GRM8: variants seen among roughly 807,000 people sequenced by gnomAD.
The protein encoded by GRM8 is glutamate metabotropic receptor 8.
A neutral mutation model predicts 87.2 loss-of-function variants in GRM8; 47 were observed. The observed-to-expected ratio is 0.54, with a 90% CI of 0.43 to 0.69. The LOEUF is 0.69. Among genes scored for constraint, GRM8 ranks in the 30% least tolerant of loss-of-function variants. The pLI is 0.00. For synonymous variants in GRM8, 396 were observed against 404.5 expected (o/e 0.98, Z 0.25); for missense variants, 1,019 against 1,139.2 (o/e 0.89, Z 1.52).
intron 3 of GRM8, among the ~76,000 whole-genome samples, chr7:127,053,555 C>T (rs1027864872): frequency 2.0e-5 from 3 of 152,178 alleles, no homozygotes; most frequent in Admixed American, 1.3e-4. Flanking sequence ...TTTGGGAGGC[C>T]GTGGCAGGCG....
Position 127,183,144 on chromosome 7 carries a change from T to C in GRM8, c.510+59551A>G, listed in dbSNP as rs17869252. On this transcript the variant is annotated intron_variant, in intron 2 of 10. Coordinates refer to ENST00000339582, the MANE Select transcript of GRM8 (RefSeq NM_000845.3). ...GACCAAAAGGAAGCTGGAATAACTATATTAATTTTAGACAAATTAAACTTC... is the reference window on the plus strand; with the variant it reads ...GACCAAAAGGAAGCTGGAATAACTACATTAATTTTAGACAAATTAAACTTC... Among the ~76,000 whole-genome samples, 272 of 152,102 alleles carry C rather than the reference T, an allele frequency of 1.8e-3. 1 individual carries two copies. The highest frequency in any genetic ancestry group is 6.2e-3 in the African/African-American group (258 of 41,568).
At chr7:127,050,576 A>C (rs1819363574) in intron 3 of GRM8, among the ~76,000 whole-genome samples, 1 of 152,184 alleles carries the variant, frequency 6.6e-6, no homozygotes, top group Admixed American at 6.5e-5. Flanking sequence ...GGGAGACGGA[A>C]GGGGAAGGAA....
intron 6 of GRM8, chr7:126,870,241 G>C (rs1251087484): frequency 2.0e-5 from 3 of 152,174 alleles, no homozygotes. Context: ...TGGCTTAAGG[G>C]AACATTGTGG....
chr7:127,056,606 C>T (rs17874838), intron 3 of GRM8, among the ~76,000 whole-genome samples: 12,148 of 152,222 alleles, frequency 0.08, 526 homozygotes, highest in South Asian at 0.13. Flanking sequence ...AAAATGTATA[C>T]ACACCGGCAA....
At chr7:127,015,990 T>C (rs1815631171) in intron 3 of GRM8, among the ~76,000 whole-genome samples, 1 of 152,120 alleles carries the variant, frequency 6.6e-6, no homozygotes, top group South Asian at 2.1e-4. Context: ...AAAAATTCCT[T>C]GAATATCTCT....
At chr7:127,245,856 T>G (rs1798559976) in intron 1 of GRM8, among the ~76,000 whole-genome samples, 1 of 152,152 alleles carries the variant, frequency 6.6e-6, no homozygotes, top group South Asian at 2.1e-4. Context: ...AAGCTTGCTT[T>G]TCTTGTCTGT....
intron 9 of GRM8, among the ~76,000 whole-genome samples, chr7:126,504,831 G>A (rs1481329935): frequency 6.6e-6 from 1 of 151,968 alleles, no homozygotes; most frequent in Non-Finnish European, 1.5e-5. Context: ...TCATGATTGG[G>A]TGCCCCAAAT....
intron 2 of GRM8, among the ~76,000 whole-genome samples, chr7:127,224,954 G>A (rs1797223540): frequency 1.3e-5 from 2 of 152,070 alleles, no homozygotes; most frequent in African/African-American, 4.8e-5. Context: ...CTAATAAAAT[G>A]ACAATAATAG....
At chr7:126,668,154 T>C (rs1805987627) in intron 7 of GRM8, among the ~76,000 whole-genome samples, 1 of 152,150 alleles carries the variant, frequency 6.6e-6, no homozygotes, top group African/African-American at 2.4e-5. Flanking sequence ...GGAAGTGCTC[T>C]AGCGGGGATT....
intron 7 of GRM8, among the ~76,000 whole-genome samples, chr7:126,627,449 G>C (rs1010420798): frequency 6.6e-6 from 1 of 152,108 alleles, no homozygotes; most frequent in Non-Finnish European, 1.5e-5. Context: ...TTGATCTCTA[G>C]ATTTTTTATT....
At chr7:126,841,982 G>T (rs1796310608) in intron 6 of GRM8, among the ~76,000 whole-genome samples, 2 of 152,196 alleles carry the variant, frequency 1.3e-5, no homozygotes, top group Middle Eastern at 6.8e-3. Flanking sequence ...ATATGACAGT[G>T]TGGAATAAAA....
intron 2 of GRM8, among the ~76,000 whole-genome samples, chr7:127,190,309 G>A (rs1233910950): frequency 6.6e-6 from 1 of 152,160 alleles, no homozygotes; most frequent in Admixed American, 6.5e-5. Context: ...CCCAGGAACA[G>A]AGAATTGTTA....
At chr7:126,987,235 G>A (rs990302515) in intron 3 of GRM8, among the ~76,000 whole-genome samples, 1 of 152,074 alleles carries the variant, frequency 6.6e-6, no homozygotes, top group African/African-American at 2.4e-5. Flanking sequence ...AAACACCTAA[G>A]GAGACGTGCT....
At chr7:126,618,055 G>A (rs2151130034) in intron 7 of GRM8, among the ~76,000 whole-genome samples, 1 of 152,254 alleles carries the variant, frequency 6.6e-6, no homozygotes, top group South Asian at 2.1e-4. Context: ...CAAAAATAGA[G>A]CCCTCATTGC....
intron 7 of GRM8, among the ~76,000 whole-genome samples, chr7:126,671,623 A>G (rs981384888): frequency 6.6e-6 from 1 of 152,240 alleles, no homozygotes; most frequent in African/African-American, 2.4e-5. Flanking sequence ...CAGCTCAGAA[A>G]GAACAAGAGG....
chr7:126,815,557 T>C (rs1793708425), intron 6 of GRM8, among the ~76,000 whole-genome samples: 1 of 152,116 alleles, frequency 6.6e-6, no homozygotes. Context: ...TGGTGGAATC[T>C]GTGCCAATAG....
At chr7:126,490,947 G>A (rs1208832632) in intron 9 of GRM8, among the ~76,000 whole-genome samples, 2 of 152,002 alleles carry the variant, frequency 1.3e-5, no homozygotes, top group Non-Finnish European at 2.9e-5. Context: ...TCCTGAATGT[G>A]AGTATTATTT....
chr7:126,717,709 A>C (rs1197511077), intron 7 of GRM8, among the ~76,000 whole-genome samples: 1 of 152,184 alleles, frequency 6.6e-6, no homozygotes, highest in Non-Finnish European at 1.5e-5. Flanking sequence ...GTAAAAACAT[A>C]AAAATTTAGG....
chr7:126,856,759 G>A (rs527745144), intron 6 of GRM8, among the ~76,000 whole-genome samples: 3 of 152,298 alleles, frequency 2.0e-5, no homozygotes, highest in African/African-American at 7.2e-5. Flanking sequence ...TTAGGTCAGG[G>A]AAAAGTTAGT....
Sources: gnomAD v4.1 joint callset for allele counts (sites outside exome capture counted in the v4.1 genomes callset) on GRCh38, gnomAD v4.1.1 for gene constraint, MANE v1.5 for transcripts, NCBI Gene and HGNC (gene_info 2026-07-23, HGNC 2026-07-21) for gene names.